The following CFAP299 variants were observed in gnomAD, a reference collection of about 807,000 sequenced individuals.
CFAP299 encodes the protein cilia- and flagella-associated protein 299.
CFAP299 carries 21 observed loss-of-function variants against 27.0 expected under a neutral mutation model. The ratio of observed to expected loss-of-function variants is 0.78; its 90% CI spans 0.55 to 1.12. The LOEUF (loss-of-function observed/expected upper bound fraction) is 1.12. CFAP299 is among the 50% of genes most tolerant of loss of function. The pLI is 0.00. For synonymous variants in CFAP299, 104 were observed against 98.1 expected, an observed-to-expected ratio of 1.06 and a Z score of -0.36; for missense variants, 310 against 276.6, an observed-to-expected ratio of 1.12 and a Z score of -0.86.
At chr4:80,444,328 G>T (rs2110089701) in intron 2 of CFAP299, among the ~76,000 whole-genome samples, 1 of 152,198 alleles carries the variant, frequency 6.6e-6, no homozygotes, top group South Asian at 2.1e-4. Context: ...TACCAAAACA[G>T]ATATATAGGC....
intron 1 of CFAP299, among the ~76,000 whole-genome samples, chr4:80,358,478 A>G (rs1472089801): frequency 6.6e-6 from 1 of 152,126 alleles, no homozygotes; most frequent in Non-Finnish European, 1.5e-5. Flanking sequence ...GTCTCTTTGA[A>G]GGTCTCTAAG....
chr4:80,687,927 C>T (rs969010937), intron 3 of CFAP299, among the ~76,000 whole-genome samples: 3 of 152,156 alleles, frequency 2.0e-5, no homozygotes, highest in Non-Finnish European at 4.4e-5. Flanking sequence ...AAAGGGGTGA[C>T]AGACGGCACC....
chr4:80,363,755 T>A (rs1478426253), intron 2 of CFAP299, among the ~76,000 whole-genome samples: 2 of 152,162 alleles, frequency 1.3e-5, no homozygotes, highest in East Asian at 3.9e-4. Context: ...AGTTTTCTAT[T>A]GCTGCCATAA....
chr4:80,826,201 T>G (rs1405808257), intron 3 of CFAP299, among the ~76,000 whole-genome samples: 2 of 151,628 alleles, frequency 1.3e-5, no homozygotes, highest in Non-Finnish European at 3.0e-5. Flanking sequence ...ATCCCCATCA[T>G]AAGCACAAAC....
chr4:80,405,740 A>G (rs1726383186), intron 2 of CFAP299, among the ~76,000 whole-genome samples: 1 of 152,122 alleles, frequency 6.6e-6, no homozygotes, highest in African/African-American at 2.4e-5. Flanking sequence ...CAAATATGCC[A>G]ACCGGCATAC....
chr4:80,557,109 T>A (rs1187591541), intron 2 of CFAP299, among the ~76,000 whole-genome samples: 1 of 152,110 alleles, frequency 6.6e-6, no homozygotes, highest in Non-Finnish European at 1.5e-5. Context: ...TTCAAGAAAG[T>A]CCTGTTATTC....
chr4:80,403,631 C>T (rs1726271985), intron 2 of CFAP299, among the ~76,000 whole-genome samples: 1 of 152,092 alleles, frequency 6.6e-6, no homozygotes, highest in African/African-American at 2.4e-5. Flanking sequence ...ATCAGTTCTC[C>T]CAACTGTTCA....
At chr4:80,825,910 A>G (rs1729961769) in intron 3 of CFAP299, among the ~76,000 whole-genome samples, 1 of 151,960 alleles carries the variant, frequency 6.6e-6, no homozygotes, top group Admixed American at 6.6e-5. Context: ...ACACCAATAA[A>G]TTGTTTTAAA....
intron 3 of CFAP299, among the ~76,000 whole-genome samples, chr4:80,798,060 T>G (rs1727973417): frequency 6.6e-6 from 1 of 152,122 alleles, no homozygotes; most frequent in Non-Finnish European, 1.5e-5. Flanking sequence ...ACCCTTAATA[T>G]CCATTTCCAT....
chr4:80,667,613 A>G (rs1741206861), intron 3 of CFAP299, among the ~76,000 whole-genome samples: 2 of 152,122 alleles, frequency 1.3e-5, no homozygotes, highest in African/African-American at 4.8e-5. Context: ...TTTGGCTTAT[A>G]TCATGACTTC....
Position 80,392,354 on chromosome 4 carries a change from G to A in CFAP299, c.242+29470G>A, listed in dbSNP as rs961233963. On this transcript the variant is annotated intron_variant, in intron 2 of 5. Transcript: ENST00000358105. ...TGAAATGTGAGGACATGAGATTTGC[G>A]AGGTGCCAGGGACAGAATAGTATAG... is the stretch of plus-strand genomic sequence containing the variant. Among the ~76,000 whole-genome samples, 8 of 152,102 alleles carry A rather than the reference G, an allele frequency of 5.3e-5. No homozygotes were observed. The South Asian group carries it at 1.0e-3, about 20-fold the overall frequency.
chr4:80,472,805 C>T (rs566242289), intron 2 of CFAP299, among the ~76,000 whole-genome samples: 3 of 152,258 alleles, frequency 2.0e-5, no homozygotes, highest in Admixed American at 6.5e-5. Context: ...CCATGTTCCA[C>T]GGGACGGGGG....
chr4:80,649,829 ATTG>A (rs1201100406), intron 3 of CFAP299, among the ~76,000 whole-genome samples: 1 of 152,146 alleles, frequency 6.6e-6, no homozygotes, highest in Non-Finnish European at 1.5e-5. Flanking sequence ...AGGATTCCAA[ATTG>A]TTGTCATGTT....
chr4:80,407,574 G>A (rs1035932097), intron 2 of CFAP299, among the ~76,000 whole-genome samples: 3 of 152,160 alleles, frequency 2.0e-5, no homozygotes, highest in South Asian at 2.1e-4. Flanking sequence ...CTGGAACCCC[G>A]TTCTTTCTGT....
chr4:80,442,267 C>A (rs1205217129), intron 2 of CFAP299, among the ~76,000 whole-genome samples: 4 of 152,158 alleles, frequency 2.6e-5, no homozygotes, highest in Admixed American at 6.5e-5. Context: ...TTCTTAGCAC[C>A]ACATAGCACT....
chr4:80,693,651 C>T (rs1720896982), intron 3 of CFAP299, among the ~76,000 whole-genome samples: 2 of 151,342 alleles, frequency 1.3e-5, no homozygotes, highest in Non-Finnish European at 2.9e-5. Context: ...TGTAACTAAC[C>T]TGCACATTGT....
chr4:80,847,632 T>C (rs1731258577), intron 3 of CFAP299, among the ~76,000 whole-genome samples: 1 of 152,212 alleles, frequency 6.6e-6, no homozygotes, highest in Admixed American at 6.5e-5. Context: ...GTACTTAACC[T>C]TCTCATGCTT....
chr4:80,917,168 G>A (rs1193901748), intron 4 of CFAP299, among the ~76,000 whole-genome samples: 1 of 152,130 alleles, frequency 6.6e-6, no homozygotes, highest in Non-Finnish European at 1.5e-5. Context: ...TCAAGTGGGA[G>A]AGATGAGTAA....
intron 3 of CFAP299, among the ~76,000 whole-genome samples, chr4:80,597,470 A>G (rs1737112279): frequency 6.6e-6 from 1 of 152,106 alleles, no homozygotes; most frequent in Non-Finnish European, 1.5e-5. Flanking sequence ...TGTGCTGTGA[A>G]TATATTCTCC....
Sources: allele counts gnomAD v4.1 joint callset (sites outside exome capture counted in the v4.1 genomes callset), GRCh38; gene constraint gnomAD v4.1.1; transcripts MANE v1.5; gene names NCBI Gene and HGNC (gene_info 2026-07-23, HGNC 2026-07-21).